Variants in SNX14 observed in about 807,000 individuals in gnomAD.
SNX14 encodes the protein sorting nexin-14.
A neutral mutation model predicts 133.8 loss-of-function variants in SNX14; 93 were observed. The ratio of observed to expected loss-of-function variants is 0.70; its 90% CI spans 0.59 to 0.83. SNX14 has a LOEUF of 0.83. SNX14 is among the 40% of genes least tolerant of loss of function. The probability of loss-of-function intolerance (pLI) is 0.00; values close to 1 mark genes in which losing one functional copy is unlikely to be tolerated. For synonymous variants in SNX14, 368 were observed against 365.6 expected (o/e 1.01, Z -0.07); for missense variants, 945 against 1,094.9 (o/e 0.86, Z 1.93).
chr6:85,543,291 T>C lies in SNX14; in HGVS notation c.1280A>G (p.Tyr427Cys), dbSNP rs1232625885. The C allele has an allele frequency of 1.9e-6, 3 of 1,577,556 alleles. No individual in the cohort carries two copies. Among genetic ancestry groups the C allele is most frequent in the Non-Finnish European group, 2.6e-6 (3 of 1,167,950 alleles). ...AGTTTGAAGTTTCACAACATCTATGTATGGGCCTTCAGCAACTATTAAAAA... is the reference window on the plus strand; with the variant it reads ...AGTTTGAAGTTTCACAACATCTATGCATGGGCCTTCAGCAACTATTAAAAA... The part of the protein sequence containing the change: ...EEIQRIAEGP[Y>C]IDVVKLQTMR... Residue 427 changes from tyrosine (Y) to cysteine (C), a missense_variant, in exon 14 of 29, where the codon TAC becomes TGC. By Grantham distance (194) the Tyr-to-Cys change is radical (BLOSUM62 -2). Transcript: ENST00000314673.
intron 17 of SNX14, among the ~76,000 whole-genome samples, chr6:85,534,296 T>G (rs1441867160): frequency 6.6e-6 from 1 of 152,190 alleles, no homozygotes; most frequent in East Asian, 1.9e-4. Flanking sequence ...CAATAAGACA[T>G]CCTAAATGTC....
chr6:85,593,846 G>T lies in SNX14; in HGVS notation c.-128C>A. 1 of 1,507,074 alleles carries T rather than the reference G, an allele frequency of 6.6e-7. No individual in the cohort carries two copies. The highest frequency in any genetic ancestry group is 1.2e-5 in the South Asian group (1 of 82,214). 93.4% of individuals were successfully genotyped at this position (1,507,074 alleles called of 1,614,324 possible). ...CACAGACGCCTACCGGCAGTTAGCC[G>T]CCGCAGGCTGAGGTCGCGTCCGGCT... On this transcript the variant is annotated 5_prime_UTR_variant, in exon 1 of 29. Coordinates refer to ENST00000314673, the MANE Select transcript of SNX14 (RefSeq NM_153816.6).
At position 85,508,060 on chromosome 6, in the gene SNX14, C is replaced by G; in HGVS notation, c.2654-1G>C. 6.2e-7 allele frequency: 1 copy of G among 1,611,126 alleles called. No individual in the cohort carries two copies. Among genetic ancestry groups the G allele is most frequent in the Middle Eastern group, 1.7e-4 (1 of 6,048 alleles). On this transcript the variant is annotated splice_acceptor_variant, in intron 26 of 28. Transcript: ENST00000314673. LOFTEE classifies it high-confidence loss of function. ...TCACCAATACACTTGACTAACAGAT[C>G]TAAACAAAAAGGCCAAATGTGAAAT...
intron 26 of SNX14, 123 bp from the exon 27 acceptor site, chr6:85,508,182 T>G: frequency 7.1e-7 from 1 of 1,410,082 alleles, no homozygotes. Context: ...AAATCAATAC[T>G]CCCCAAACCA....
chr6:85,529,346 C>T (rs951909972), intron 19 of SNX14, among the ~76,000 whole-genome samples: 4 of 143,000 alleles, frequency 2.8e-5, no homozygotes, highest in African/African-American at 7.8e-5. Context: ...AACAAGGAAA[C>T]GAAGGAAGAA....
intron 6 of SNX14, chr6:85,561,396 A>C (rs1359797185): frequency 6.6e-6 from 1 of 152,186 alleles, no homozygotes; most frequent in Non-Finnish European, 1.5e-5. Context: ...GAACTGTTCA[A>C]TTAACTAACG....
At position 85,505,939 on chromosome 6, in the gene SNX14, TG is replaced by T; in HGVS notation, c.*27del. ...CACCCTCGCACAGCAGAAATTTCAATGGGTTATTCTATACCAAATCCAAGTG... is the reference window on the plus strand; with the variant it reads ...CACCCTCGCACAGCAGAAATTTCAATGGTTATTCTATACCAAATCCAAGTG... On this transcript the variant is annotated 3_prime_UTR_variant, in exon 29 of 29. Coordinates refer to ENST00000314673, the MANE Select transcript of SNX14 (RefSeq NM_153816.6). The T allele has an allele frequency of 6.4e-7, 1 of 1,558,736 alleles. No individual in the cohort carries two copies. Among genetic ancestry groups the T allele is most frequent in the Non-Finnish European group, 8.8e-7 (1 of 1,130,654 alleles).
chr6:85,565,389 A>G lies in SNX14; in HGVS notation c.492T>C (p.Asp164=), dbSNP rs1386958543. The G allele has an allele frequency of 6.2e-7, 1 of 1,604,230 alleles. No homozygotes were observed. Residue 164 remains aspartate, a synonymous_variant, in exon 6 of 29, where the codon GAT becomes GAC. Coordinates refer to ENST00000314673, the MANE Select transcript of SNX14 (RefSeq NM_153816.6). ...AAAAACGTAATGTTATTCTCAGTTC[A>G]TCAACAAAGGATTCATCATCTGTCA... ...RDVTDDESFV[D]ELRITLRFFA...
intron 19 of SNX14, among the ~76,000 whole-genome samples, chr6:85,529,836 G>A (rs977594374): frequency 6.6e-6 from 1 of 151,852 alleles, no homozygotes; most frequent in African/African-American, 2.4e-5. Flanking sequence ...AAAAATAGCT[G>A]GAAATTCTTT....
intron 1 of SNX14, among the ~76,000 whole-genome samples, chr6:85,583,902 T>G (rs1799837267): frequency 6.6e-6 from 1 of 152,150 alleles, no homozygotes; most frequent in African/African-American, 2.4e-5. Flanking sequence ...AAAAATACTT[T>G]AAATTTCATA....
At chr6:85,570,721 T>C (rs1287857180) in intron 4 of SNX14, among the ~76,000 whole-genome samples, 3 of 151,884 alleles carry the variant, frequency 2.0e-5, no homozygotes, top group African/African-American at 7.3e-5. Flanking sequence ...GGCGTGGTGG[T>C]GTGCGCTTGT....
chr6:85,558,183 T>C, intron 6 of SNX14, 123 bp from the exon 7 acceptor site: 1 of 582,646 alleles, frequency 1.7e-6, no homozygotes, highest in South Asian at 2.2e-5. Context: ...CTTTCAAAAA[T>C]AACACTTTAT....
intron 15 of SNX14, among the ~76,000 whole-genome samples, chr6:85,540,524 G>A (rs1040773511): frequency 1.3e-5 from 2 of 152,170 alleles, no homozygotes; most frequent in Non-Finnish European, 2.9e-5. Context: ...GTTAAATAAC[G>A]TCTAAGTTTC....
intron 1 of SNX14, among the ~76,000 whole-genome samples, chr6:85,578,343 C>T (rs1262832688): frequency 6.6e-6 from 1 of 151,908 alleles, no homozygotes; most frequent in Non-Finnish European, 1.5e-5. Flanking sequence ...AACAGGAGAT[C>T]CTGAGAGTAA....
chr6:85,519,600 G>A (rs1008539843), intron 21 of SNX14, among the ~76,000 whole-genome samples: 1 of 152,232 alleles, frequency 6.6e-6, no homozygotes, highest in Admixed American at 6.5e-5. Flanking sequence ...GCTGGGCGTG[G>A]TGGCTCACGC....
intron 9 of SNX14, 101 bp from the exon 10 acceptor site, chr6:85,547,651 G>A: frequency 2.8e-6 from 3 of 1,071,488 alleles, no homozygotes; most frequent in Non-Finnish European, 2.6e-6. Context: ...CTAGAAAAAT[G>A]AAAAAATAAA....
rs112599967 is a variant in SNX14 at position 85,528,384 on chromosome 6, G to T, written c.1895-22C>A. ...GCACCTGAAATTAGTATATATTATA[G>T]TTATTACTGTGTTCTGCTACTATTT... On this transcript the variant is annotated intron_variant, in intron 19 of 28. Transcript: ENST00000314673. 4,230 of 1,550,832 alleles carry T rather than the reference G, an allele frequency of 2.7e-3. 93 individuals are homozygous for T. The African/African-American group carries it at 0.052, about 19-fold the overall frequency.
rs1442011036 is a variant in SNX14, at chr6:85,505,793, CTCAA to C, written c.*170_*173del. 1.7e-4 allele frequency: 104 copies of C among 594,296 alleles called. 1 individual carries two copies. In the East Asian group the frequency reaches 3.0e-3, roughly 17 times the overall value. 36.8% of individuals were successfully genotyped at this position (594,296 alleles called of 1,614,324 possible). A position where few individuals can be genotyped will look rare whatever the true frequency, so the allele number is the denominator to read the frequency against. On this transcript the variant is annotated 3_prime_UTR_variant, in exon 29 of 29. Transcript: ENST00000314673. ...AGCTAGCAAATGAAAGACTATGAGA[CTCAA>C]TCACTTTTAATCATTAAGTTTGTGT...
At chr6:85,543,127 G>A in intron 14 of SNX14, 55 bp downstream of exon 14, 1 of 1,396,458 alleles carries the variant, frequency 7.2e-7, no homozygotes, top group Admixed American at 2.7e-5. Context: ...TGATATCAAA[G>A]CTACTATTAA....
Sources: gnomAD v4.1 joint callset for allele counts (sites outside exome capture counted in the v4.1 genomes callset) on GRCh38, gnomAD v4.1.1 for gene constraint, MANE v1.5 for transcripts, NCBI Gene and HGNC (gene_info 2026-07-23, HGNC 2026-07-21) for gene names.